Variants in INVS observed in about 807,000 individuals in gnomAD.
The protein encoded by INVS is inversion of embryo turning homolog.
INVS carries 86 observed loss-of-function variants against 108.8 expected under a neutral mutation model. The observed-to-expected ratio is 0.79, with a 90% CI of 0.66 to 0.95. The LOEUF is 0.95. INVS is among the 40% of genes least tolerant of loss of function. INVS has a pLI of 0.00. For missense variants in INVS, 1,169 were observed against 1,297.4 expected (o/e 0.90, Z 1.52); for synonymous variants, 455 against 473.5 (o/e 0.96, Z 0.51).
chr9:100,100,958 TATATATAA>T (rs1371079687), intron 1 of INVS, among the ~76,000 whole-genome samples: 3 of 36,778 alleles, frequency 8.2e-5, no homozygotes, highest in Non-Finnish European at 1.3e-4. Context: ...ATATATATTA[TATATATAA>T]TATATATTAT....
At chr9:100,278,063 CG>C (rs1833161388) in intron 12 of INVS, among the ~76,000 whole-genome samples, 1 of 151,780 alleles carries the variant, frequency 6.6e-6, no homozygotes, top group African/African-American at 2.4e-5. Flanking sequence ...AGTGAGACCA[CG>C]TCTCTACAAA....
At chr9:100,138,700 CTT>C (rs36096327) in intron 3 of INVS, among the ~76,000 whole-genome samples, 9 of 124,928 alleles carry the variant, frequency 7.2e-5, no homozygotes, top group Admixed American at 1.8e-4. Flanking sequence ...TGATGGTTTC[CTT>C]TTTTTTTTTT....
chr9:100,298,298 T>C (rs1287624894), intron 16 of INVS: 2 of 1,290,032 alleles, frequency 1.6e-6, no homozygotes, highest in Non-Finnish European at 2.0e-6. Context: ...ATGAAAATAC[T>C]GTCACTCTTC....
intron 3 of INVS, among the ~76,000 whole-genome samples, chr9:100,171,613 T>C (rs1338627375): frequency 1.3e-5 from 2 of 152,148 alleles, no homozygotes; most frequent in Non-Finnish European, 2.9e-5. Context: ...ATAAATAAAT[T>C]TGAATATTTA....
At chr9:100,246,157 AAAAAAGAAAAAG>A (rs1157716830) in intron 7 of INVS, among the ~76,000 whole-genome samples, 1 of 151,972 alleles carries the variant, frequency 6.6e-6, no homozygotes, top group African/African-American at 2.4e-5. Flanking sequence ...CCTCTCAAAA[AAAAAAGAAAAAG>A]AAAAAAGAAA....
At chr9:100,179,971 C>A (rs1188560724) in intron 3 of INVS, among the ~76,000 whole-genome samples, 1 of 152,176 alleles carries the variant, frequency 6.6e-6, no homozygotes, top group African/African-American at 2.4e-5. Context: ...AATTGGAACT[C>A]AGGATTAAGA....
intron 5 of INVS, among the ~76,000 whole-genome samples, chr9:100,235,535 C>T (rs11496606): frequency 0.17 from 26,113 of 152,074 alleles, 3,350 homozygotes; most frequent in African/African-American, 0.37. Flanking sequence ...GTGGTTCCTA[C>T]AGGAACTCTT....
At chr9:100,216,685 A>T (rs1032252108) in intron 3 of INVS, among the ~76,000 whole-genome samples, 3 of 152,206 alleles carry the variant, frequency 2.0e-5, no homozygotes, top group African/African-American at 4.8e-5. Context: ...CAAAATCTTC[A>T]TTGTTCTCTC....
At chr9:100,281,372 CA>C (rs1051333853) in intron 12 of INVS, among the ~76,000 whole-genome samples, 1 of 152,212 alleles carries the variant, frequency 6.6e-6, no homozygotes, top group African/African-American at 2.4e-5. Flanking sequence ...CAGGGAGAGA[CA>C]TATATGTGGG....
intron 3 of INVS, among the ~76,000 whole-genome samples, chr9:100,220,840 G>A (rs1444557895): frequency 6.6e-6 from 1 of 152,068 alleles, no homozygotes; most frequent in Non-Finnish European, 1.5e-5. Flanking sequence ...ACCAGGCTTG[G>A]TGGCAGGCAC....
intron 3 of INVS, among the ~76,000 whole-genome samples, chr9:100,215,706 G>C (rs1830965267): frequency 6.6e-6 from 1 of 152,188 alleles, no homozygotes; most frequent in African/African-American, 2.4e-5. Flanking sequence ...AGGCTAATCA[G>C]ATTGGAGCAG....
At chr9:100,212,368 T>C (rs1311790501) in intron 3 of INVS, among the ~76,000 whole-genome samples, 1 of 152,238 alleles carries the variant, frequency 6.6e-6, no homozygotes, top group African/African-American at 2.4e-5. Flanking sequence ...CTTTGATTTA[T>C]GTCAGAAAAT....
chr9:100,140,023 C>G (rs990956527), intron 3 of INVS, among the ~76,000 whole-genome samples: 10 of 152,178 alleles, frequency 6.6e-5, no homozygotes, highest in South Asian at 4.1e-4. Flanking sequence ...CTATCTAGTT[C>G]CAAAGCATTT....
intron 12 of INVS, among the ~76,000 whole-genome samples, chr9:100,278,063 C>T (rs1341695818): frequency 1.3e-5 from 2 of 151,780 alleles, no homozygotes; most frequent in African/African-American, 4.8e-5. Context: ...AGTGAGACCA[C>T]GTCTCTACAA....
At chr9:100,154,130 G>C (rs1221291938) in intron 3 of INVS, among the ~76,000 whole-genome samples, 7 of 152,104 alleles carry the variant, frequency 4.6e-5, no homozygotes, top group African/African-American at 1.2e-4. Flanking sequence ...AGCATTATTT[G>C]TAGTAGAGAA....
intron 3 of INVS, among the ~76,000 whole-genome samples, chr9:100,213,637 C>G (rs10989017): frequency 0.19 from 29,558 of 152,104 alleles, 4,577 homozygotes; most frequent in African/African-American, 0.44. Flanking sequence ...CGAGACTCCG[C>G]AGTCAGAGAC....
intron 6 of INVS, among the ~76,000 whole-genome samples, chr9:100,241,725 C>G (rs1020574679): frequency 6.6e-6 from 1 of 152,150 alleles, no homozygotes; most frequent in Non-Finnish European, 1.5e-5. Context: ...ATGGAGAACT[C>G]CATCTTAGAC....
At chr9:100,263,880 G>C (rs1832704432) in intron 10 of INVS, among the ~76,000 whole-genome samples, 1 of 152,124 alleles carries the variant, frequency 6.6e-6, no homozygotes, top group Non-Finnish European at 1.5e-5. Flanking sequence ...ATTTTTCAAA[G>C]TCTGTTGTTT....
intron 3 of INVS, among the ~76,000 whole-genome samples, chr9:100,138,552 A>T (rs1828310694): frequency 6.6e-6 from 1 of 152,030 alleles, no homozygotes; most frequent in African/African-American, 2.4e-5. Flanking sequence ...CCCAGCTTCT[A>T]CCCTTTCCGG....
Sources: gnomAD v4.1 joint callset for allele counts (sites outside exome capture counted in the v4.1 genomes callset) on GRCh38, gnomAD v4.1.1 for gene constraint, MANE v1.5 for transcripts, NCBI Gene and HGNC (gene_info 2026-07-23, HGNC 2026-07-21) for gene names.